Variants in SLC38A8 observed in about 807,000 individuals in gnomAD.
SLC38A8 encodes the protein amino acid transporter SLC38A8.
SLC38A8 carries 65 observed loss-of-function variants against 46.0 expected under a neutral mutation model. The ratio of observed to expected loss-of-function variants is 1.41; its 90% CI spans 1.16 to 1.74. The LOEUF (loss-of-function observed/expected upper bound fraction) is 1.74. Ranked by LOEUF, SLC38A8 falls within the 40% of genes most tolerant of loss-of-function variation. SLC38A8 has a pLI of 0.00. For missense variants in SLC38A8, 998 were observed against 567.9 expected (o/e 1.76, Z -7.70); for synonymous variants, 447 against 243.7 (o/e 1.83, Z -7.77).
rs539350242 is a variant in SLC38A8, at chr16:84,013,013, C to G, written c.1202G>C (p.Gly401Ala). 2.5e-6 allele frequency: 4 copies of G among 1,614,166 alleles called. No individual in the cohort carries two copies. The East Asian group carries it at 8.9e-5, about 36-fold the overall frequency. Reference protein sequence around the residue: ...LICAMGVEPIGPRVKCCLEVW... With the variant: ...LICAMGVEPIAPRVKCCLEVW... ...TAGGGACACTTACTTGACTCTTGGT[C>G]CTATAGGCTCGACACCCATTGCACA... Residue 401 changes from glycine (G) to alanine (A), a missense_variant, in exon 10 of 11, where the codon GGA becomes GCA. Gly to Ala is a moderately conservative substitution (Grantham distance 60, BLOSUM62 0). Coordinates refer to ENST00000299709, the MANE Select transcript of SLC38A8 (RefSeq NM_001080442.3).
chr16:84,016,398 C>A, intron 9 of SLC38A8, 121 bp downstream of exon 9: 1 of 1,171,534 alleles, frequency 8.5e-7, no homozygotes, highest in Non-Finnish European at 1.2e-6. Flanking sequence ...TACATGGGGT[C>A]TTAATCCTAC....
intron 9 of SLC38A8, among the ~76,000 whole-genome samples, chr16:84,014,667 A>G (rs367919021): frequency 3.3e-5 from 5 of 152,002 alleles, no homozygotes; most frequent in Admixed American, 1.3e-4. Flanking sequence ...CCCTCCCTTC[A>G]CTTCACTTCC....
intron 10 of SLC38A8, among the ~76,000 whole-genome samples, chr16:84,011,011 C>T (rs1287678346): frequency 1.3e-5 from 2 of 152,176 alleles, no homozygotes; most frequent in East Asian, 1.9e-4. Context: ...TAACAAGATT[C>T]CCACAAAATG....
At chr16:84,019,296 G>C (rs377687070) in intron 7 of SLC38A8, among the ~76,000 whole-genome samples, 2 of 151,942 alleles carry the variant, frequency 1.3e-5, no homozygotes, top group East Asian at 1.9e-4. Flanking sequence ...GGATGCTCTC[G>C]ATCTCCTGAC....
chr16:84,011,383 C>T (rs1222929750), intron 10 of SLC38A8, among the ~76,000 whole-genome samples: 1 of 152,168 alleles, frequency 6.6e-6, no homozygotes, highest in Non-Finnish European at 1.5e-5. Context: ...TGGTTCAATA[C>T]CCAAGGCAGG....
Position 84,009,711 on chromosome 16 carries a change from C to T in SLC38A8, c.*73G>A, listed in dbSNP as rs573277077. 8.7e-5 allele frequency: 113 copies of T among 1,301,472 alleles called. No homozygotes were observed. In the African/African-American group the frequency reaches 1.6e-3, roughly 18 times the overall value. The allele number at this position is 1,301,472 out of a possible 1,614,324, so 80.6% of individuals were successfully genotyped here. On this transcript the variant is annotated 3_prime_UTR_variant, in exon 11 of 11. Coordinates refer to ENST00000299709, the MANE Select transcript of SLC38A8 (RefSeq NM_001080442.3). The stretch of plus-strand genomic sequence containing the variant: ...TATGAGGAAAAGAAATGGCATCGGT[C>T]TCCTGGCTGCATACAGCAGCCACGT...
intron 6 of SLC38A8, among the ~76,000 whole-genome samples, chr16:84,024,227 G>C (rs931211032): frequency 6.6e-6 from 1 of 152,220 alleles, no homozygotes; most frequent in Admixed American, 6.5e-5. Context: ...GTTTGGGTAG[G>C]GTGGGTGCTA....
chr16:84,020,012 G>A (rs114422267), intron 7 of SLC38A8, among the ~76,000 whole-genome samples: 2,224 of 152,372 alleles, frequency 0.015, 31 homozygotes, highest in African/African-American at 0.04. Context: ...TCGCAGGCAG[G>A]TGTTGCACGT....
intron 7 of SLC38A8, among the ~76,000 whole-genome samples, chr16:84,020,599 C>T (rs1324420608): frequency 1.3e-5 from 2 of 152,204 alleles, no homozygotes; most frequent in African/African-American, 4.8e-5. Flanking sequence ...CAGGGGCCAC[C>T]TGACCCAAAG....
At chr16:84,038,697 C>A (rs529384691) in intron 2 of SLC38A8, among the ~76,000 whole-genome samples, 1 of 152,210 alleles carries the variant, frequency 6.6e-6, no homozygotes, top group Non-Finnish European at 1.5e-5. Context: ...CGCCACACCC[C>A]GGACGGTGCC....
chr16:84,012,595 G>A (rs750963972), intron 10 of SLC38A8, among the ~76,000 whole-genome samples: 1 of 152,206 alleles, frequency 6.6e-6, no homozygotes, highest in African/African-American at 2.4e-5. Flanking sequence ...TAGCAGAGGA[G>A]CCTGGGAACA....
At chr16:84,020,491 T>C (rs1295448822) in intron 7 of SLC38A8, among the ~76,000 whole-genome samples, 1 of 152,206 alleles carries the variant, frequency 6.6e-6, no homozygotes, top group Admixed American at 6.5e-5. Flanking sequence ...GCCAAGCTTC[T>C]GTAGCTCTCG....
intron 3 of SLC38A8, among the ~76,000 whole-genome samples, chr16:84,034,040 G>T (rs1244032580): frequency 1.3e-5 from 2 of 152,198 alleles, no homozygotes; most frequent in South Asian, 2.1e-4. Flanking sequence ...TGCTTGGGGG[G>T]TCTCTGGCTG....
chr16:84,042,461 C>A, intron 1 of SLC38A8, 90 bp downstream of exon 1: 1 of 284,892 alleles, frequency 3.5e-6, no homozygotes, highest in Non-Finnish European at 6.6e-6. Flanking sequence ...TTCCTCATCC[C>A]CATCAATCCT....
chr16:84,025,223 A>G (rs1010302061), intron 6 of SLC38A8, among the ~76,000 whole-genome samples: 1 of 152,098 alleles, frequency 6.6e-6, no homozygotes, highest in Non-Finnish European at 1.5e-5. Context: ...GGTTCCCACC[A>G]TCACACCCAC....
In SLC38A8 at chr16:84,016,511, G is replaced by T. The variant is rs372917153; in HGVS notation, c.1162+8C>A. 5.6e-6 allele frequency: 9 copies of T among 1,612,726 alleles called. No homozygotes were observed. The highest frequency in any genetic ancestry group is 7.6e-6 in the Non-Finnish European group (9 of 1,179,070). On this transcript the variant is annotated splice_region_variant and intron_variant, in intron 9 of 10. Transcript: ENST00000299709. ...GTGGGCAGAAAGCCTGGAAAGCAGG[G>T]GCCTCACCTGGGAAGATGAAGATGA... is the stretch of plus-strand genomic sequence containing the variant.
At chr16:84,032,999 G>C (rs1459420918) in intron 4 of SLC38A8, among the ~76,000 whole-genome samples, 1 of 144,286 alleles carries the variant, frequency 6.9e-6, no homozygotes, top group African/African-American at 2.7e-5. Flanking sequence ...GGTGTGCATG[G>C]GGGGGTGTGG....
chr16:84,026,076 C>T (rs955812149), intron 6 of SLC38A8, among the ~76,000 whole-genome samples: 4 of 152,232 alleles, frequency 2.6e-5, no homozygotes, highest in East Asian at 1.9e-4. Flanking sequence ...GCAGATGCCC[C>T]GAGGTGGGGA....
intron 10 of SLC38A8, 126 bp from the exon 11 acceptor site, chr16:84,010,003 A>C (rs1423439970): frequency 2.9e-6 from 2 of 688,178 alleles, no homozygotes; most frequent in South Asian, 5.4e-5. Context: ...AGAAAAATTC[A>C]GAATATTTCC....
Sources: gnomAD v4.1 joint callset for allele counts (sites outside exome capture counted in the v4.1 genomes callset) on GRCh38, gnomAD v4.1.1 for gene constraint, MANE v1.5 for transcripts, NCBI Gene and HGNC (gene_info 2026-07-23, HGNC 2026-07-21) for gene names.